SPECC1L: variants seen among roughly 807,000 people sequenced by gnomAD.
The protein encoded by SPECC1L is cytospin-A.
Under a neutral mutation model 116.8 loss-of-function variants are expected in SPECC1L, and 40 were observed. The ratio of observed to expected loss-of-function variants is 0.34; its 90% CI spans 0.27 to 0.45. SPECC1L has a LOEUF of 0.45. Ranked by LOEUF, SPECC1L falls within the 20% of genes least tolerant of loss-of-function variation. The pLI is 1.00. For missense variants in SPECC1L, 1,110 were observed against 1,373.6 expected, an observed-to-expected ratio of 0.81 and a Z score of 3.03; for synonymous variants, 504 against 500.6, an observed-to-expected ratio of 1.01 and a Z score of -0.09.
Position 24,321,888 on chromosome 22 carries a change from A to T in SPECC1L, c.908A>T (p.Gln303Leu). The change falls in exon 5 of 17, where the codon CAG becomes CTG. Residue 303 changes from glutamine to leucine, a missense_variant. By Grantham distance (113) the Gln-to-Leu change is moderately radical (BLOSUM62 -2). Around this residue, in one of 4 missense-constraint regions of SPECC1L, gnomAD observed 437 missense variants for 482.6 expected, o/e 0.91. Coordinates refer to ENST00000314328, the MANE Select transcript of SPECC1L (RefSeq NM_015330.6). ...SLSPEITPGN[Q>L]SDGGGTLTSS... Reference sequence around the variant, plus strand: ...AGCCCAGAAATCACCCCTGGTAACCAGAGCGATGGAGGAGGAACTCTGACT... The same window carrying T: ...AGCCCAGAAATCACCCCTGGTAACCTGAGCGATGGAGGAGGAACTCTGACT... The T allele has an allele frequency of 6.2e-7, 1 of 1,614,248 alleles. No homozygotes were observed. The highest frequency in any genetic ancestry group is 1.6e-4 in the Middle Eastern group (1 of 6,062).
chr22:24,406,958 C>T (rs1216122332), intron 14 of SPECC1L, among the ~76,000 whole-genome samples: 1 of 152,212 alleles, frequency 6.6e-6, no homozygotes, highest in Non-Finnish European at 1.5e-5. Context: ...TTCCTCACTT[C>T]CCTGGAGGAA....
intron 14 of SPECC1L, among the ~76,000 whole-genome samples, chr22:24,380,958 T>C (rs1601316927): frequency 6.6e-6 from 1 of 152,230 alleles, no homozygotes; most frequent in Non-Finnish European, 1.5e-5. Context: ...TAAGTGCTTA[T>C]CATGAGAAGT....
intron 3 of SPECC1L, chr22:24,304,326 AC>A (rs1267508013): frequency 6.6e-6 from 1 of 152,142 alleles, no homozygotes; most frequent in East Asian, 1.9e-4. Flanking sequence ...GCATTTCTTC[AC>A]CTCTCATTTC....
At chr22:24,314,895 A>G (rs767611129) in intron 4 of SPECC1L, among the ~76,000 whole-genome samples, 2 of 152,218 alleles carry the variant, frequency 1.3e-5, no homozygotes, top group Non-Finnish European at 2.9e-5. Flanking sequence ...CAGTGCCTAG[A>G]TCCATTCATT....
intron 4 of SPECC1L, among the ~76,000 whole-genome samples, chr22:24,316,824 A>C (rs2040580029): frequency 7.1e-6 from 1 of 140,766 alleles, no homozygotes; most frequent in African/African-American, 2.6e-5. Flanking sequence ...GTGGCCGGGC[A>C]GAGGGGCTCC....
At chr22:24,377,211 C>A (rs1164206875) in intron 14 of SPECC1L, among the ~76,000 whole-genome samples, 1 of 152,134 alleles carries the variant, frequency 6.6e-6, no homozygotes, top group African/African-American at 2.4e-5. Flanking sequence ...AAACAATATT[C>A]CATTGTATGG....
intron 2 of SPECC1L, among the ~76,000 whole-genome samples, chr22:24,280,229 C>T (rs2048915926): frequency 6.6e-6 from 1 of 152,188 alleles, no homozygotes; most frequent in Non-Finnish European, 1.5e-5. Context: ...CCTTGCTTTA[C>T]ATAATGACGA....
At position 24,347,103 on chromosome 22, in the gene SPECC1L, A is replaced by G. The variant is rs1471552934; in HGVS notation, c.2670A>G (p.Gly890=). 3 of 1,613,766 alleles carry G rather than the reference A, an allele frequency of 1.9e-6. No individual in the cohort carries two copies. Among genetic ancestry groups the G allele is most frequent in the Non-Finnish European group, 2.5e-6 (3 of 1,179,810 alleles). ...VSPMQRHSIS[G]PISTSKPLTA... ...GATTTCAGAGACATTCCATAAGTGG[A>G]CCAATCTCAACATCCAAACCCCTGA... is the stretch of plus-strand genomic sequence containing the variant. Residue 890 remains glycine, a synonymous_variant, in exon 11 of 17, where the codon GGA becomes GGG. Coordinates refer to ENST00000314328, the MANE Select transcript of SPECC1L (RefSeq NM_015330.6).
chr22:24,357,749 TTG>T (rs1164068967), intron 11 of SPECC1L, among the ~76,000 whole-genome samples: 3 of 152,158 alleles, frequency 2.0e-5, no homozygotes, highest in Non-Finnish European at 4.4e-5. Flanking sequence ...AGTAAATACT[TTG>T]TGTTTAGAGT....
At chr22:24,309,754 G>A (rs1410149820) in intron 3 of SPECC1L, among the ~76,000 whole-genome samples, 1 of 152,062 alleles carries the variant, frequency 6.6e-6, no homozygotes, top group Non-Finnish European at 1.5e-5. Context: ...AGGATTTATG[G>A]TCAAAATACT....
intron 14 of SPECC1L, among the ~76,000 whole-genome samples, chr22:24,390,687 C>T (rs984721847): frequency 1.3e-5 from 2 of 151,886 alleles, no homozygotes; most frequent in African/African-American, 4.8e-5. Flanking sequence ...CATAAGTTCT[C>T]CACAGTGAAG....
intron 1 of SPECC1L, among the ~76,000 whole-genome samples, chr22:24,276,286 G>A (rs114339021): frequency 6.6e-5 from 10 of 151,972 alleles, no homozygotes; most frequent in Admixed American, 1.3e-4. Context: ...AATAAAATTC[G>A]CCAGGTGTGG....
chr22:24,345,977 T>C (rs1569428996), intron 10 of SPECC1L, among the ~76,000 whole-genome samples: 1 of 151,846 alleles, frequency 6.6e-6, no homozygotes, highest in Non-Finnish European at 1.5e-5. Context: ...TGAGGGGTTT[T>C]AAGTGTTCAT....
At chr22:24,293,158 A>T (rs892718730) in intron 2 of SPECC1L, among the ~76,000 whole-genome samples, 2 of 152,186 alleles carry the variant, frequency 1.3e-5, no homozygotes. Context: ...AAATTTCATA[A>T]TAAAACATTA....
intron 2 of SPECC1L, among the ~76,000 whole-genome samples, chr22:24,292,098 G>A (rs1391119956): frequency 6.6e-6 from 1 of 152,124 alleles, no homozygotes; most frequent in South Asian, 2.1e-4. Context: ...TGCCAAGAGG[G>A]GTTCCCGTCC....
intron 3 of SPECC1L, among the ~76,000 whole-genome samples, chr22:24,309,063 G>A (rs775359025): frequency 3.3e-5 from 5 of 152,058 alleles, no homozygotes; most frequent in Non-Finnish European, 7.4e-5. Flanking sequence ...CTTCAAGGAG[G>A]CCTTGTTCTT....
At position 24,283,159 on chromosome 22, in the gene SPECC1L, A is replaced by G. The variant is rs1301090940; in HGVS notation, c.-38+6356A>G. 2.6e-5 allele frequency among the ~76,000 whole-genome samples: 4 copies of G among 151,832 alleles called. No homozygotes were observed. The East Asian group carries it at 7.7e-4, about 29-fold the overall frequency. On this transcript the variant is annotated intron_variant, in intron 2 of 16. Coordinates refer to ENST00000314328, the MANE Select transcript of SPECC1L (RefSeq NM_015330.6). ...AGTAGTTCTACCTCGGCTCACTGCA[A>G]GCTCCTCTTCCTGGGTTCACACCAT...
chr22:24,348,171 C>G (rs2041342703), intron 11 of SPECC1L, among the ~76,000 whole-genome samples: 1 of 152,084 alleles, frequency 6.6e-6, no homozygotes, highest in African/African-American at 2.4e-5. Context: ...GGAATGTTCC[C>G]AAGTGTCCCC....
intron 14 of SPECC1L, among the ~76,000 whole-genome samples, chr22:24,406,236 C>T (rs1451810752): frequency 1.3e-5 from 2 of 152,166 alleles, no homozygotes; most frequent in Non-Finnish European, 2.9e-5. Flanking sequence ...CTCCCAGGCT[C>T]TTCTGTGGGG....
Sources: gnomAD v4.1 joint callset for allele counts (sites outside exome capture counted in the v4.1 genomes callset) on GRCh38, gnomAD v4.1.1 for gene constraint, gnomAD v4.1.1 regional missense constraint, MANE v1.5 for transcripts, NCBI Gene and HGNC (gene_info 2026-07-23, HGNC 2026-07-21) for gene names.